The following BICC1 variants were observed in gnomAD, a reference collection of about 807,000 sequenced individuals.
BICC1 encodes the protein protein bicaudal C homolog 1.
Under a neutral mutation model 111.0 loss-of-function variants are expected in BICC1, and 43 were observed. That is an observed-to-expected ratio of 0.39 (90% CI 0.30 to 0.50). The LOEUF (loss-of-function observed/expected upper bound fraction) is 0.50. Ranked by LOEUF, BICC1 falls within the 20% of genes least tolerant of loss-of-function variation. BICC1 has a pLI of 0.88. For missense variants in BICC1, 1,091 were observed against 1,203.2 expected, an observed-to-expected ratio of 0.91 and a Z score of 1.38; for synonymous variants, 467 against 434.4, an observed-to-expected ratio of 1.07 and a Z score of -0.93.
chr10:58,635,931 A>G (rs112431863), intron 2 of BICC1, among the ~76,000 whole-genome samples: 1,608 of 152,124 alleles, frequency 0.011, 32 homozygotes, highest in African/African-American at 0.037. Context: ...GACAGTTCCC[A>G]CTTCTTTATA....
intron 1 of BICC1, among the ~76,000 whole-genome samples, chr10:58,555,838 G>A (rs2038272936): frequency 6.6e-6 from 1 of 152,136 alleles, no homozygotes; most frequent in Non-Finnish European, 1.5e-5. Context: ...TTTCACCACT[G>A]TGTTATCACT....
At chr10:58,812,204 A>ATG (rs144229849) in intron 17 of BICC1, among the ~76,000 whole-genome samples, 2 of 152,090 alleles carry the variant, frequency 1.3e-5, no homozygotes, top group African/African-American at 4.8e-5. Flanking sequence ...GACTTGGGGT[A>ATG]TTAAGATGAC....
chr10:58,642,801 CT>C lies in BICC1; in HGVS notation c.237+21902del, dbSNP rs199939367. Among the ~76,000 whole-genome samples the C allele has an allele frequency of 8.4e-3, 1,281 of 152,136 alleles. 23 individuals are homozygous for C. Among genetic ancestry groups the C allele is most frequent in the African/African-American group, 0.03 (1,233 of 41,472 alleles). ...CTTACTGCAGTCTTGACCTCCTGGGCTTAGGCAATTCTCCCCACTCAGCCTC... is the reference window on the plus strand; with the variant it reads ...CTTACTGCAGTCTTGACCTCCTGGGCTAGGCAATTCTCCCCACTCAGCCTC... On this transcript the variant is annotated intron_variant, in intron 2 of 20. Transcript: ENST00000373886.
At chr10:58,719,519 T>G (rs1840872142) in intron 3 of BICC1, among the ~76,000 whole-genome samples, 1 of 152,184 alleles carries the variant, frequency 6.6e-6, no homozygotes, top group South Asian at 2.1e-4. Context: ...TTTCTTTTTT[T>G]TTTTTGAGAC....
At chr10:58,661,193 CTCGCATA>C (rs1838831892) in intron 2 of BICC1, among the ~76,000 whole-genome samples, 1 of 141,028 alleles carries the variant, frequency 7.1e-6, no homozygotes, top group Non-Finnish European at 1.5e-5. Context: ...TTTTAAAGGG[CTCGCATA>C]TCGAGCTTGA....
chr10:58,804,501 G>C (rs535123510), intron 15 of BICC1, among the ~76,000 whole-genome samples: 2 of 152,260 alleles, frequency 1.3e-5, no homozygotes, highest in African/African-American at 4.8e-5. Flanking sequence ...CTGGGAGAGA[G>C]AGCGAGACCC....
At chr10:58,690,772 A>G (rs1265985167) in intron 2 of BICC1, among the ~76,000 whole-genome samples, 1 of 152,190 alleles carries the variant, frequency 6.6e-6, no homozygotes, top group African/African-American at 2.4e-5. Flanking sequence ...TACTAAGCTA[A>G]GTAGGGTCAT....
At chr10:58,747,311 C>T (rs56074274) in intron 3 of BICC1, among the ~76,000 whole-genome samples, 1,748 of 152,038 alleles carry the variant, frequency 0.011, 36 homozygotes, top group African/African-American at 0.04. Context: ...AAGAAGACAG[C>T]CTTTCCTTAA....
intron 3 of BICC1, among the ~76,000 whole-genome samples, chr10:58,778,226 A>C (rs1012799053): frequency 6.6e-5 from 10 of 152,128 alleles, no homozygotes; most frequent in Admixed American, 6.5e-5. Context: ...AAAGTAATTA[A>C]TTAATTAATT....
chr10:58,758,972 TATTTTG>T (rs1564597235), intron 3 of BICC1, among the ~76,000 whole-genome samples: 12 of 132,726 alleles, frequency 9.0e-5, no homozygotes, highest in African/African-American at 3.2e-4. Context: ...TTTATTTATT[TATTTTG>T]AGATGGAGTC....
intron 2 of BICC1, among the ~76,000 whole-genome samples, chr10:58,685,128 C>T (rs1839673847): frequency 6.6e-6 from 1 of 152,130 alleles, no homozygotes. Context: ...TTGTTATGTA[C>T]CCAGTTTTCA....
At chr10:58,621,823 G>T (rs144715091) in intron 2 of BICC1, among the ~76,000 whole-genome samples, 1 of 151,784 alleles carries the variant, frequency 6.6e-6, no homozygotes, top group Admixed American at 6.6e-5. Flanking sequence ...ACTTGAACCC[G>T]GAAGACAGAG....
chr10:58,687,381 C>T (rs1028464183), intron 2 of BICC1, among the ~76,000 whole-genome samples: 2 of 152,234 alleles, frequency 1.3e-5, no homozygotes, highest in African/African-American at 4.8e-5. Flanking sequence ...GGGAGAACCA[C>T]TACTGTCTTC....
intron 20 of BICC1, among the ~76,000 whole-genome samples, chr10:58,827,088 T>C (rs1844421817): frequency 6.6e-6 from 1 of 152,216 alleles, no homozygotes; most frequent in Admixed American, 6.5e-5. Context: ...GAAAACCCCA[T>C]GTGTTTAACA....
chr10:58,663,394 T>G (rs1838908296), intron 2 of BICC1, among the ~76,000 whole-genome samples: 1 of 152,114 alleles, frequency 6.6e-6, no homozygotes, highest in African/African-American at 2.4e-5. Context: ...TTAACAGACA[T>G]TTTCTTCCTC....
In BICC1 at chr10:58,830,171, T is replaced by G. The variant is rs1217923648; in HGVS notation, c.*1280T>G. 3 of 152,080 alleles carry G rather than the reference T, an allele frequency of 2.0e-5. No individual in the cohort carries two copies. The highest frequency in any genetic ancestry group is 4.4e-5 in the Non-Finnish European group (3 of 67,996). 9.4% of individuals were successfully genotyped at this position (152,080 alleles called of 1,614,324 possible). ...GAAGGAAAAAAAAAATATATCTTTT[T>G]AAGTGGCTAGAGTCATTATTACAAT... On this transcript the variant is annotated 3_prime_UTR_variant, in exon 21 of 21. Transcript: ENST00000373886.
intron 2 of BICC1, among the ~76,000 whole-genome samples, chr10:58,658,899 T>A (rs1838749277): frequency 6.6e-6 from 1 of 152,250 alleles, no homozygotes; most frequent in Admixed American, 6.5e-5. Flanking sequence ...AGTCATGATC[T>A]GGGCCTCAGT....
intron 3 of BICC1, among the ~76,000 whole-genome samples, chr10:58,719,225 A>G (rs1197262116): frequency 6.6e-6 from 1 of 152,230 alleles, no homozygotes; most frequent in Non-Finnish European, 1.5e-5. Flanking sequence ...ATATTAAAAA[A>G]TATCTTGGAA....
chr10:58,715,671 A>G, intron 3 of BICC1: 1 of 1,599,670 alleles, frequency 6.3e-7, no homozygotes, highest in South Asian at 1.1e-5. Context: ...ACCAAGGCCT[A>G]CCTGGGAAGA....
Sources: allele counts gnomAD v4.1 joint callset (sites outside exome capture counted in the v4.1 genomes callset), GRCh38; gene constraint gnomAD v4.1.1; transcripts MANE v1.5; gene names NCBI Gene and HGNC (gene_info 2026-07-23, HGNC 2026-07-21).